Variants in MPV17 observed in about 807,000 individuals in gnomAD.
The protein encoded by MPV17 is mitochondrial inner membrane protein MPV17, also known as MPV17, mitochondrial inner membrane protein.
Under a neutral mutation model 28.6 loss-of-function variants are expected in MPV17, and 31 were observed. The ratio of observed to expected loss-of-function variants is 1.08; its 90% CI spans 0.81 to 1.46. The LOEUF (loss-of-function observed/expected upper bound fraction) is 1.46. MPV17 is among the 40% of genes most tolerant of loss of function. The probability of loss-of-function intolerance (pLI) is 0.00; values close to 1 mark genes in which losing one functional copy is unlikely to be tolerated. For synonymous variants in MPV17, 87 were observed against 85.3 expected, an observed-to-expected ratio of 1.02 and a Z score of -0.11; for missense variants, 198 against 216.2, an observed-to-expected ratio of 0.92 and a Z score of 0.53.
intron 5 of MPV17, 21 bp from the exon 6 acceptor site, chr2:27,312,267 C>G (rs753339511): frequency 1.9e-6 from 3 of 1,613,800 alleles, no homozygotes; most frequent in Non-Finnish European, 2.5e-6. Flanking sequence ...AGAGAAGGAA[C>G]AAATTAACAC....
chr2:27,314,869 C>A (rs972603818), intron 2 of MPV17, among the ~76,000 whole-genome samples: 2 of 152,348 alleles, frequency 1.3e-5, no homozygotes, highest in South Asian at 2.1e-4. Flanking sequence ...CTCACTGTTG[C>A]GTTCTTCCTC....
intron 7 of MPV17, chr2:27,311,472 C>A: frequency 1.1e-6 from 1 of 939,192 alleles, no homozygotes; most frequent in Non-Finnish European, 1.6e-6. Context: ...GCATTTGAAC[C>A]ACACATCTTC....
chr2:27,322,108 T>G (rs1336540308), intron 2 of MPV17: 2 of 357,400 alleles, frequency 5.6e-6, no homozygotes, highest in Non-Finnish European at 1.1e-5. Context: ...GGGGGCCCTA[T>G]GCCATAACGT....
intron 2 of MPV17, chr2:27,316,276 G>T: frequency 6.8e-7 from 1 of 1,463,556 alleles, no homozygotes; most frequent in Non-Finnish European, 9.3e-7. Context: ...GGAATGAAAA[G>T]CCAAGTCCCT....
rs990356817 is a variant in MPV17 at position 27,317,800 on chromosome 2, T to A, written c.70+4648A>T. On this transcript the variant is annotated intron_variant, in intron 2 of 7. Coordinates refer to ENST00000380044, the MANE Select transcript of MPV17 (RefSeq NM_002437.5). The surrounding 1 kb of genome is among the most constrained non-coding windows in gnomAD (Gnocchi z 4.0). ...AGGAAGGGATAAGGCTGACTCACAC[T>A]CCATAGAACATACAGTAAACCTTTC... 1.3e-5 allele frequency among the ~76,000 whole-genome samples: 2 copies of A among 152,214 alleles called. No homozygotes were observed. Among genetic ancestry groups the A allele is most frequent in the Non-Finnish European group, 2.9e-5 (2 of 68,034 alleles).
At chr2:27,310,019 C>T in intron 7 of MPV17, 38 bp from the exon 8 acceptor site, 1 of 1,527,430 alleles carries the variant, frequency 6.5e-7, no homozygotes, top group Non-Finnish European at 9.1e-7. Flanking sequence ...AGGAGGAAGG[C>T]TAAGCAGTGA....
rs757751984 is a variant in MPV17, at chr2:27,316,111, CCTCT to C, written c.71-3006_71-3003del. 9 of 1,550,912 alleles carry C rather than the reference CCTCT, an allele frequency of 5.8e-6. No individual in the cohort carries two copies. In the African/African-American group the frequency reaches 1.1e-4, roughly 19 times the overall value. On this transcript the variant is annotated intron_variant, in intron 2 of 7. Transcript: ENST00000380044. The stretch of plus-strand genomic sequence containing the variant: ...GGACATTCCCTAGACTAATGCACTT[CCTCT>C]CTGTCTTTACTCCCCCAAATTCCAT...
rs1679515766 is a variant in MPV17, at chr2:27,313,027, A to G, written c.153T>C (p.Thr51=). 3 of 1,614,232 alleles carry G rather than the reference A, an allele frequency of 1.9e-6. No homozygotes were observed. The highest frequency in any genetic ancestry group is 2.2e-5 in the East Asian group (1 of 44,892). The change falls in exon 3 of 8, where the codon ACT becomes ACC. Residue 51 remains threonine (T), a synonymous_variant. Transcript: ENST00000380044. ...RGLQEHQRGR[T]LTMVSLGCGF... is the part of the protein sequence containing the mutation. ...CACAGCCCAGGGACACCATGGTCAG[A>G]GTCCGGCCTCTCTGGTGTTCCTGCA...
chr2:27,312,962 T>G, intron 3 of MPV17, 32 bp downstream of exon 3: 1 of 1,610,014 alleles, frequency 6.2e-7, no homozygotes, highest in Non-Finnish European at 8.5e-7. Flanking sequence ...CACTGTTGAG[T>G]CCACTGAAGC....
chr2:27,314,765 C>G (rs1172858716), intron 2 of MPV17, among the ~76,000 whole-genome samples: 1 of 152,256 alleles, frequency 6.6e-6, no homozygotes, highest in Admixed American at 6.5e-5. Context: ...CACAGTCACA[C>G]TGTCCCTGTG....
At chr2:27,312,055 A>G in intron 6 of MPV17, 104 bp from the exon 7 acceptor site, 1 of 1,488,488 alleles carries the variant, frequency 6.7e-7, no homozygotes, top group Non-Finnish European at 9.3e-7. Flanking sequence ...GAAAAAGGTG[A>G]ACAGTTGGGT....
chr2:27,310,649 CT>C (rs1486571349), intron 7 of MPV17, among the ~76,000 whole-genome samples: 1 of 152,244 alleles, frequency 6.6e-6, no homozygotes, highest in Non-Finnish European at 1.5e-5. Flanking sequence ...AAAGTAGCAT[CT>C]TTCTGTTTTA....
chr2:27,310,905 C>T (rs531858911), intron 7 of MPV17, among the ~76,000 whole-genome samples: 47 of 148,232 alleles, frequency 3.2e-4, no homozygotes, highest in Non-Finnish European at 5.5e-4. Context: ...CCACCACACC[C>T]AGCTAATTTT....
chr2:27,311,839 TG>T (rs1394491258), intron 7 of MPV17, 59 bp downstream of exon 7: 11 of 1,599,142 alleles, frequency 6.9e-6, no homozygotes, highest in Admixed American at 1.7e-5. Flanking sequence ...AGAATCATTT[TG>T]TCTCCAACTG....
At position 27,309,737 on chromosome 2, in the gene MPV17, A is replaced by G. The variant is rs1160397751; in HGVS notation, c.*175T>C. ...ATAAGACTATTATCAAGGGCTCTAA[A>G]GCAGTCAGTGTACATTTTAGAGTGA... On this transcript the variant is annotated 3_prime_UTR_variant, in exon 8 of 8. Transcript: ENST00000380044. 1.5e-6 allele frequency: 1 copy of G among 685,214 alleles called. No individual in the cohort carries two copies. Among genetic ancestry groups the G allele is most frequent in the Non-Finnish European group, 2.7e-6 (1 of 367,804 alleles). 42.4% of individuals were successfully genotyped at this position (685,214 alleles called of 1,614,324 possible).
At chr2:27,314,517 A>T (rs1468838221) in intron 2 of MPV17, among the ~76,000 whole-genome samples, 4 of 151,934 alleles carry the variant, frequency 2.6e-5, no homozygotes, top group Admixed American at 1.3e-4. Context: ...CCCTTCCAGG[A>T]CTCTGCACCT....
intron 7 of MPV17, chr2:27,311,289 G>A: frequency 2.6e-6 from 1 of 380,424 alleles, no homozygotes; most frequent in Non-Finnish European, 4.9e-6. Context: ...TGAAACTCCT[G>A]GACTCAAGCA....
Position 27,312,919 on chromosome 2 carries a change from A to G in MPV17, c.186+75T>C, listed in dbSNP as rs902320530. ...CAGGTTGGCTTAGGTGTGAGAGTCC[A>G]AGGGAAGCCAAAGGATGGCAAAGAA... On this transcript the variant is annotated intron_variant, in intron 3 of 7. Transcript: ENST00000380044. 3 of 1,575,362 alleles carry G rather than the reference A, an allele frequency of 1.9e-6. No individual in the cohort carries two copies. The African/African-American group carries it at 4.0e-5, about 21-fold the overall frequency.
rs960903372 is a variant in MPV17, at chr2:27,323,061, G to C, written c.-15C>G. 2 of 161,280 alleles carry C rather than the reference G, an allele frequency of 1.2e-5. No homozygotes were observed. Among genetic ancestry groups the C allele is most frequent in the Non-Finnish European group, 2.8e-5 (2 of 72,388 alleles). The allele number at this position is 161,280 out of a possible 1,614,324, so 10.0% of individuals were successfully genotyped here. On this transcript the variant is annotated 5_prime_UTR_variant, in exon 1 of 8. Transcript: ENST00000380044. ...ATCACCCGCCACTCACCTGAGCGCC[G>C]AGCCTCCCTCCCACGTGACAGGCTG...
Sources: allele counts gnomAD v4.1 joint callset (sites outside exome capture counted in the v4.1 genomes callset), GRCh38; gene constraint gnomAD v4.1.1; non-coding constraint Gnocchi (gnomAD v3.1); transcripts MANE v1.5; gene names NCBI Gene and HGNC (gene_info 2026-07-23, HGNC 2026-07-21).